TGS1: variants seen among roughly 807,000 people sequenced by gnomAD.
TGS1 encodes the protein trimethylguanosine synthase.
A neutral mutation model predicts 92.2 loss-of-function variants in TGS1; 69 were observed. The observed-to-expected ratio is 0.75, with a 90% CI of 0.62 to 0.91. The LOEUF (loss-of-function observed/expected upper bound fraction) is 0.91. TGS1 is among the 40% of genes least tolerant of loss of function. The pLI is 0.00. For synonymous variants in TGS1, 345 were observed against 338.1 expected (o/e 1.02, Z -0.22); for missense variants, 1,062 against 1,001.2 (o/e 1.06, Z -0.82).
In TGS1 at chr8:55,801,690, G is replaced by A. The variant is rs568783627; in HGVS notation, c.1850-767G>A. On this transcript the variant is annotated intron_variant, in intron 8 of 12. Coordinates refer to ENST00000260129, the MANE Select transcript of TGS1 (RefSeq NM_024831.8). ...TGCAAGCTCCGCCTCCCGGGTTCACGCCATTCTTCTGTCTCAGCCTCCCAA... is the reference window on the plus strand; with the variant it reads ...TGCAAGCTCCGCCTCCCGGGTTCACACCATTCTTCTGTCTCAGCCTCCCAA... 5.7e-5 allele frequency among the ~76,000 whole-genome samples: 8 copies of A among 139,948 alleles called. 1 individual carries two copies. The highest frequency in any genetic ancestry group is 2.4e-4 in the South Asian group (1 of 4,208). 91.8% of individuals were successfully genotyped at this position (139,948 alleles called of 152,430 possible). A position where few individuals can be genotyped will look rare whatever the true frequency, so the allele number is the denominator to read the frequency against.
chr8:55,791,021 T>A (rs917346182), intron 5 of TGS1, among the ~76,000 whole-genome samples: 7 of 152,222 alleles, frequency 4.6e-5, no homozygotes, highest in Admixed American at 4.6e-4. Context: ...AGTCTGGATA[T>A]ATTTTATCCC....
chr8:55,789,325 A>G (rs1226061084), intron 4 of TGS1, among the ~76,000 whole-genome samples: 2 of 152,220 alleles, frequency 1.3e-5, no homozygotes, highest in Admixed American at 1.3e-4. Context: ...TAAAGATAGT[A>G]TTGTCTTTGT....
At chr8:55,822,109 G>A (rs13251464) in intron 12 of TGS1, among the ~76,000 whole-genome samples, 2 of 146,388 alleles carry the variant, frequency 1.4e-5, no homozygotes, top group Non-Finnish European at 3.0e-5. Context: ...TCACTCTGTC[G>A]CCCAGGCTGG....
chr8:55,785,717 A>G lies in TGS1; in HGVS notation c.167-2A>G. 1.9e-6 allele frequency: 3 copies of G among 1,600,168 alleles called. No individual in the cohort carries two copies. Among genetic ancestry groups the G allele is most frequent in the Non-Finnish European group, 2.6e-6 (3 of 1,174,484 alleles). On this transcript the variant is annotated splice_acceptor_variant, in intron 2 of 12. Transcript: ENST00000260129. LOFTEE classifies it high-confidence loss of function. ...AACTAAGCTAATAAATGGTGTCTAT[A>G]GGAGACCAGGCGACAGAAGAAGAGG...
intron 7 of TGS1, among the ~76,000 whole-genome samples, chr8:55,796,738 C>A (rs1812064420): frequency 6.6e-6 from 1 of 152,076 alleles, no homozygotes; most frequent in South Asian, 2.1e-4. Flanking sequence ...CACCTGTAAT[C>A]CCAGCACTTA....
chr8:55,805,782 T>A (rs1388330151), intron 10 of TGS1, among the ~76,000 whole-genome samples: 1 of 149,336 alleles, frequency 6.7e-6, no homozygotes, highest in Non-Finnish European at 1.5e-5. Context: ...TACAGGAGGC[T>A]GAGGCAGGAG....
At chr8:55,804,186 A>G (rs1812297900) in intron 9 of TGS1, among the ~76,000 whole-genome samples, 1 of 152,150 alleles carries the variant, frequency 6.6e-6, no homozygotes, top group South Asian at 2.1e-4. Flanking sequence ...CATGCCTGTA[A>G]TCCCAGCACT....
intron 6 of TGS1, among the ~76,000 whole-genome samples, chr8:55,795,303 A>G (rs971847940): frequency 6.6e-6 from 1 of 152,218 alleles, no homozygotes; most frequent in African/African-American, 2.4e-5. Context: ...TGTTTATTAA[A>G]AGAAGTTTAT....
At chr8:55,792,244 G>C (rs2044815) in intron 5 of TGS1, among the ~76,000 whole-genome samples, 20,813 of 152,158 alleles carry the variant, frequency 0.14, 1,563 homozygotes, top group African/African-American at 0.2. Flanking sequence ...AATATCACTT[G>C]TATCACAACC....
intron 10 of TGS1, 73 bp downstream of exon 10, chr8:55,805,109 C>A: frequency 1.6e-6 from 2 of 1,262,520 alleles, no homozygotes; most frequent in Non-Finnish European, 1.1e-6. Context: ...TTTGCTACAG[C>A]CTATCTTACT....
chr8:55,803,692 C>CTTTTTTTT (rs111520676), intron 9 of TGS1, among the ~76,000 whole-genome samples: 3 of 144,150 alleles, frequency 2.1e-5, no homozygotes, highest in Non-Finnish European at 3.1e-5. Context: ...TTTTTCTTTT[C>CTTTTTTTT]TTTTTTTTTT....
At chr8:55,800,421 C>A (rs538321096) in intron 8 of TGS1, among the ~76,000 whole-genome samples, 20 of 152,200 alleles carry the variant, frequency 1.3e-4, no homozygotes, top group Non-Finnish European at 2.9e-4. Flanking sequence ...AAAAATTAGC[C>A]CAAGTAAGTG....
chr8:55,787,062 T>G lies in TGS1; in HGVS notation c.1162+2T>G. On this transcript the variant is annotated splice_donor_variant, in intron 4 of 12. Coordinates refer to ENST00000260129, the MANE Select transcript of TGS1 (RefSeq NM_024831.8). LOFTEE classifies it high-confidence loss of function. ...CAAACACAGACCCACCAGCTGAGGG[T>G]AAGATTAACCAAGATTTATTCTGCC... 1 of 1,599,282 alleles carries G rather than the reference T, an allele frequency of 6.3e-7. No individual in the cohort carries two copies. Among genetic ancestry groups the G allele is most frequent in the Non-Finnish European group, 8.5e-7 (1 of 1,172,908 alleles).
At chr8:55,811,889 A>T (rs1803350769) in intron 11 of TGS1, among the ~76,000 whole-genome samples, 2 of 152,218 alleles carry the variant, frequency 1.3e-5, no homozygotes, top group African/African-American at 4.8e-5. Flanking sequence ...TCCAAAAGTA[A>T]TGACAAATAT....
In TGS1 at chr8:55,773,738, C is replaced by G. The variant is rs1428918523; in HGVS notation, c.101+19C>G. On this transcript the variant is annotated intron_variant, in intron 1 of 12. Transcript: ENST00000260129. ...TTGTGGAGTAAGTAGAAAAGAGAAT[C>G]TCTTCATGTTCTAGCACAGTCATTA... 1.3e-6 allele frequency: 2 copies of G among 1,581,424 alleles called. No individual in the cohort carries two copies. The highest frequency in any genetic ancestry group is 2.3e-5 in the East Asian group (1 of 44,300).
At chr8:55,817,380 G>GT (rs1253615441) in intron 12 of TGS1, among the ~76,000 whole-genome samples, 6 of 152,166 alleles carry the variant, frequency 3.9e-5, no homozygotes, top group Non-Finnish European at 5.9e-5. Flanking sequence ...GAATAGAGTT[G>GT]TAAGTATTTG....
At position 55,786,581 on chromosome 8, in the gene TGS1, G is replaced by A; in HGVS notation, c.683G>A (p.Trp228Ter). 3.7e-6 allele frequency: 6 copies of A among 1,614,166 alleles called. No individual in the cohort carries two copies. Among genetic ancestry groups the A allele is most frequent in the Non-Finnish European group, 5.1e-6 (6 of 1,180,022 alleles). Residue 228 changes from tryptophan to a stop codon, truncating the protein, a stop_gained, in exon 4 of 13, where the codon TGG becomes TAG. Transcript: ENST00000260129. LOFTEE classifies it high-confidence loss of function. ...HPGQALSSEP[W>*]NFPDTKEEWE... is the part of the protein sequence containing the mutation. ...GGTCAAGCACTATCTTCTGAACCTT[G>A]GAACTTTCCTGATACAAAGGAAGAA... is the stretch of plus-strand genomic sequence containing the variant.
intron 1 of TGS1, among the ~76,000 whole-genome samples, chr8:55,776,840 G>C (rs1018153886): frequency 6.6e-6 from 1 of 152,148 alleles, no homozygotes; most frequent in South Asian, 2.1e-4. Context: ...CACAGGCTCT[G>C]AGTGAGCTCT....
intron 6 of TGS1, among the ~76,000 whole-genome samples, chr8:55,794,961 A>C (rs1011968892): frequency 2.0e-5 from 3 of 152,244 alleles, no homozygotes; most frequent in African/African-American, 7.2e-5. Context: ...ATTGAATTCA[A>C]ATTAGTTCAG....
Sources: allele counts gnomAD v4.1 joint callset (sites outside exome capture counted in the v4.1 genomes callset), GRCh38; gene constraint gnomAD v4.1.1; transcripts MANE v1.5; gene names NCBI Gene and HGNC (gene_info 2026-07-23, HGNC 2026-07-21).